MYO18B: variants seen among roughly 807,000 people sequenced by gnomAD.
The protein encoded by MYO18B is myosin XVIIIB.
A neutral mutation model predicts 273.0 loss-of-function variants in MYO18B; 204 were observed. That is an observed-to-expected ratio of 0.75 (90% CI 0.67 to 0.84). The LOEUF (loss-of-function observed/expected upper bound fraction) is 0.84, where lower values mean the gene tolerates loss of function less well. Ranked by LOEUF, MYO18B falls within the 40% of genes least tolerant of loss-of-function variation. MYO18B has a pLI of 0.00. For synonymous variants in MYO18B, 1,330 were observed against 1,305.7 expected, an observed-to-expected ratio of 1.02 and a Z score of -0.40; for missense variants, 3,212 against 3,287.6, an observed-to-expected ratio of 0.98 and a Z score of 0.56.
chr22:26,005,227 T>C (rs1415578530), intron 42 of MYO18B, among the ~76,000 whole-genome samples: 1 of 152,234 alleles, frequency 6.6e-6, no homozygotes. Flanking sequence ...AGGCACATCA[T>C]ACTCTTTTTT....
At chr22:26,059,043 A>AAC in the MYO18B span, among the ~76,000 whole-genome samples, 1 of 151,898 alleles carries the variant, frequency 6.6e-6, no homozygotes, top group African/African-American at 2.4e-5. Context: ...TGACCATGAT[A>AAC]AAAGAAAAGG....
chr22:25,843,277 C>T (rs144292434), intron 17 of MYO18B, among the ~76,000 whole-genome samples: 265 of 152,194 alleles, frequency 1.7e-3, no homozygotes, highest in African/African-American at 6.0e-3. Context: ...TGATTTTACG[C>T]GGCATAAAAC....
rs752432031 is a variant in MYO18B, at chr22:25,801,601, G to A, written c.2521+3504G>A. Among the ~76,000 whole-genome samples, 9 of 152,072 alleles carry A rather than the reference G, an allele frequency of 5.9e-5. No individual in the cohort carries two copies. The South Asian group carries it at 8.3e-4, about 14-fold the overall frequency. ...GTTTCATAAGGGTTCATTTTCATCC[G>A]TCTCATTTTATAGACAAGCAAACAG... On this transcript the variant is annotated intron_variant, in intron 12 of 43. Transcript: ENST00000335473.
chr22:25,983,817 T>G (rs533081547), intron 39 of MYO18B, among the ~76,000 whole-genome samples: 3 of 152,358 alleles, frequency 2.0e-5, no homozygotes, highest in Non-Finnish European at 4.4e-5. Context: ...CCATTTCCTC[T>G]GGGCAGCGCT....
intron 42 of MYO18B, among the ~76,000 whole-genome samples, chr22:26,024,683 C>G (rs1272389755): frequency 1.3e-5 from 2 of 152,332 alleles, no homozygotes; most frequent in African/African-American, 2.4e-5. Context: ...CCGGGCCCAT[C>G]ATTGCCATGG....
chr22:25,884,991 C>G (rs1298701556), intron 25 of MYO18B: 1 of 152,136 alleles, frequency 6.6e-6, no homozygotes, highest in African/African-American at 2.4e-5. Context: ...TACCCTCCCC[C>G]CAGTAGAGTG....
chr22:25,835,199 C>G, intron 16 of MYO18B, 97 bp from the exon 17 acceptor site: 4 of 1,425,142 alleles, frequency 2.8e-6, no homozygotes, highest in Non-Finnish European at 3.7e-6. Context: ...ACACTTGGGA[C>G]TTGGATGCTC....
At chr22:25,765,711 G>T (rs117159242) in intron 3 of MYO18B, among the ~76,000 whole-genome samples, 1 of 150,702 alleles carries the variant, frequency 6.6e-6, no homozygotes, top group Admixed American at 6.6e-5. Context: ...AGGGTGGGGG[G>T]ACCAAAGGCT....
At chr22:25,895,449 G>A in intron 28 of MYO18B, 169 bp downstream of exon 28, 2 of 738,328 alleles carry the variant, frequency 2.7e-6, no homozygotes, top group Non-Finnish European at 4.3e-6. Flanking sequence ...GTCACTGTGA[G>A]ACATGAAAAA....
At position 26,008,314 on chromosome 22, in the gene MYO18B, A is replaced by G. The variant is rs576564961; in HGVS notation, c.6470+3459A>G. Among the ~76,000 whole-genome samples the G allele has an allele frequency of 2.0e-5, 3 of 152,344 alleles. No homozygotes were observed. The East Asian group carries it at 5.8e-4, about 29-fold the overall frequency. On this transcript the variant is annotated intron_variant, in intron 42 of 43. Transcript: ENST00000335473. ...TGGATCAAAGGGCATTTGCATTTTA[A>G]ACTCTAATAGATATGAGTGTCCTTT...
chr22:25,818,535 T>C (rs544919337), intron 12 of MYO18B, among the ~76,000 whole-genome samples: 1 of 152,338 alleles, frequency 6.6e-6, no homozygotes, highest in African/African-American at 2.4e-5. Flanking sequence ...GCCTGGCACA[T>C]AGGCTATGCT....
chr22:25,808,325 A>G (rs1216592444), intron 12 of MYO18B, among the ~76,000 whole-genome samples: 1 of 152,172 alleles, frequency 6.6e-6, no homozygotes, highest in Admixed American at 6.5e-5. Flanking sequence ...ATCACTTTGC[A>G]TAAATTCTCA....
intron 1 of MYO18B, among the ~76,000 whole-genome samples, chr22:25,743,220 G>C (rs1306173304): frequency 1.3e-5 from 2 of 152,262 alleles, no homozygotes; most frequent in Non-Finnish European, 2.9e-5. Flanking sequence ...TCACTTTGTG[G>C]CTGTCCAAAA....
chr22:25,973,522 CTAT>C (rs2093057535), intron 39 of MYO18B, among the ~76,000 whole-genome samples: 1 of 152,212 alleles, frequency 6.6e-6, no homozygotes, highest in South Asian at 2.1e-4. Flanking sequence ...TTCTATCTCT[CTAT>C]AACATATATG....
chr22:25,769,549 G>A (rs2086640731), intron 4 of MYO18B, 121 bp downstream of exon 4: 1 of 915,544 alleles, frequency 1.1e-6, no homozygotes, highest in South Asian at 1.8e-5. Flanking sequence ...CAGGGAATTG[G>A]AGAGGGGTGG....
At chr22:25,933,717 T>C (rs1285444601) in intron 34 of MYO18B, among the ~76,000 whole-genome samples, 1 of 152,246 alleles carries the variant, frequency 6.6e-6, no homozygotes, top group African/African-American at 2.4e-5. Flanking sequence ...CAATTTATCT[T>C]ATCCATGTTG....
rs555256816 is a variant in MYO18B at position 25,933,410 on chromosome 22, A to G, written c.5517+12001A>G. 4.6e-5 allele frequency among the ~76,000 whole-genome samples: 7 copies of G among 152,306 alleles called. No homozygotes were observed. The South Asian group carries it at 1.0e-3, about 23-fold the overall frequency. ...AAGCCAACTGGTGGTTTTAGCAGAA[A>G]GGGTGATGAACCAAATGCCAGTGTG... is the stretch of plus-strand genomic sequence containing the variant. On this transcript the variant is annotated intron_variant, in intron 34 of 43. Transcript: ENST00000335473.
chr22:25,909,418 G>C (rs2092112171), intron 32 of MYO18B, among the ~76,000 whole-genome samples: 2 of 152,192 alleles, frequency 1.3e-5, no homozygotes, highest in Non-Finnish European at 2.9e-5. Context: ...GATATAAAGA[G>C]AGCGCCTTGT....
intron 37 of MYO18B, 67 bp downstream of exon 37, chr22:25,950,517 G>GTTGTGTGTGTTTGTGTGTGT: frequency 4.1e-6 from 1 of 245,050 alleles, no homozygotes; most frequent in Non-Finnish European, 8.3e-6. Context: ...GAACTAATAG[G>GTTGTGTGTGTTTGTGTGTGT]ATGTGTGTGT....
Sources: allele counts gnomAD v4.1 joint callset (sites outside exome capture counted in the v4.1 genomes callset), GRCh38; gene constraint gnomAD v4.1.1; transcripts MANE v1.5; gene names NCBI Gene and HGNC (gene_info 2026-07-23, HGNC 2026-07-21).